Variants in ZC2HC1B observed in about 807,000 individuals in gnomAD.
ZC2HC1B encodes zinc finger C2HC domain-containing protein 1B.
ZC2HC1B carries 36 observed loss-of-function variants against 31.0 expected under a neutral mutation model. That is an observed-to-expected ratio of 1.16 (90% confidence interval 0.89 to 1.54). The LOEUF is 1.54. Ranked by LOEUF, ZC2HC1B falls within the 40% of genes most tolerant of loss-of-function variation. ZC2HC1B has a pLI of 0.00. For missense variants in ZC2HC1B, 260 were observed against 268.6 expected, an observed-to-expected ratio of 0.97 and a Z score of 0.22; for synonymous variants, 73 against 88.0, an observed-to-expected ratio of 0.83 and a Z score of 0.95.
chr6:143,915,873 TA>T lies in ZC2HC1B; in HGVS notation c.598+12725del, dbSNP rs1356928911. The stretch of plus-strand genomic sequence containing the variant: ...TCAGTTTTAAAAGGGAAACTGAGCA[TA>T]AAAGTTTGGAAAAGTTGCAGCCTGA... On this transcript the variant is annotated intron_variant, in intron 6 of 7. Transcript: ENST00000237275. This position sits in a 1 kb window ranked among gnomAD's most constrained non-coding sequence, Gnocchi z 5.2. Among the ~76,000 whole-genome samples, 53 of 152,138 alleles carry T rather than the reference TA, an allele frequency of 3.5e-4. No homozygotes were observed. Among genetic ancestry groups the T allele is most frequent in the Admixed American group, 3.4e-3 (52 of 15,264 alleles).
Position 143,908,593 on chromosome 6 carries a change from A to T in ZC2HC1B, c.598+5441A>T, listed in dbSNP as rs561197940. On this transcript the variant is annotated intron_variant, in intron 6 of 7. Coordinates refer to ENST00000237275, the MANE Select transcript of ZC2HC1B (RefSeq NM_001013623.3). This position sits in a 1 kb window ranked among gnomAD's most constrained non-coding sequence, Gnocchi z 4.4. ...CTCTCAGCTTGCCTGTTGTTTGTGT[A>T]TAGGAATGCTAGCAATTTTTGCACA... Among the ~76,000 whole-genome samples the T allele has an allele frequency of 4.6e-5, 7 of 152,266 alleles. No homozygotes were observed. The East Asian group carries it at 9.6e-4, about 21-fold the overall frequency.
intron 1 of ZC2HC1B, among the ~76,000 whole-genome samples, chr6:143,864,859 T>C (rs1562334523): frequency 6.6e-6 from 1 of 152,170 alleles, no homozygotes. Context: ...ATGGTTTATG[T>C]CAATATTGAG....
Position 143,921,279 on chromosome 6 carries a change from G to A in ZC2HC1B, c.599-16370G>A, listed in dbSNP as rs918966973. 1.3e-5 allele frequency among the ~76,000 whole-genome samples: 2 copies of A among 152,202 alleles called. No homozygotes were observed. The highest frequency in any genetic ancestry group is 6.5e-5 in the Admixed American group (1 of 15,294). ...ATTCCTTTGTAATTATTTCCACATA[G>A]CATTTATCACCATCTAATATTCAAT... On this transcript the variant is annotated intron_variant, in intron 6 of 7. Coordinates refer to ENST00000237275, the MANE Select transcript of ZC2HC1B (RefSeq NM_001013623.3). The surrounding 1 kb of genome is among the most constrained non-coding windows in gnomAD (Gnocchi z 6.1).
chr6:143,888,482 G>A (rs564365355), intron 4 of ZC2HC1B, among the ~76,000 whole-genome samples: 3 of 152,016 alleles, frequency 2.0e-5, no homozygotes, highest in African/African-American at 4.8e-5. Flanking sequence ...AATGTTTTGG[G>A]TACTATTGTC....
chr6:143,910,621 A>G (rs1279554086), intron 6 of ZC2HC1B, among the ~76,000 whole-genome samples: 1 of 152,182 alleles, frequency 6.6e-6, no homozygotes, highest in Non-Finnish European at 1.5e-5. Flanking sequence ...AGCCTCTAAG[A>G]ACTTGCTTTA....
chr6:143,930,793 T>C (rs1396463245), intron 6 of ZC2HC1B, among the ~76,000 whole-genome samples: 2 of 152,234 alleles, frequency 1.3e-5, no homozygotes, highest in Non-Finnish European at 1.5e-5. Context: ...TTGCATAACA[T>C]GTTGTCTATC....
At chr6:143,866,718 T>C (rs1198330387) in intron 1 of ZC2HC1B, among the ~76,000 whole-genome samples, 2 of 152,258 alleles carry the variant, frequency 1.3e-5, no homozygotes, top group Non-Finnish European at 2.9e-5. Flanking sequence ...TCATGTGGGT[T>C]GACATTGGTA....
At chr6:143,897,406 A>G (rs746694172) in intron 4 of ZC2HC1B, among the ~76,000 whole-genome samples, 15 of 151,400 alleles carry the variant, frequency 9.9e-5, no homozygotes, top group Non-Finnish European at 2.1e-4. Context: ...TGCTATGAGC[A>G]GCTCCACATT....
rs34216042 is a variant in ZC2HC1B at position 143,906,747 on chromosome 6, C to CT, written c.598+3609dup. Reference sequence around the variant, plus strand: ...GCATTAGCCACTGTGCCCAGCCCCTCTTTTTTTTTTTTTTATTAGTCTATC... The same window carrying CT: ...GCATTAGCCACTGTGCCCAGCCCCTCTTTTTTTTTTTTTTTATTAGTCTATC... On this transcript the variant is annotated intron_variant, in intron 6 of 7. Transcript: ENST00000237275. Among the ~76,000 whole-genome samples, 646 of 146,688 alleles carry CT rather than the reference C, an allele frequency of 4.4e-3. 4 individuals carry two copies. The highest frequency in any genetic ancestry group is 0.012 in the African/African-American group (495 of 39,970).
In ZC2HC1B at chr6:143,899,761, G is replaced by C. The variant is rs1284401669; in HGVS notation, c.489+1070G>C. 6.6e-6 allele frequency among the ~76,000 whole-genome samples: 1 copy of C among 152,204 alleles called. No individual in the cohort carries two copies. Among genetic ancestry groups the C allele is most frequent in the East Asian group, 1.9e-4 (1 of 5,196 alleles). On this transcript the variant is annotated intron_variant, in intron 5 of 7. Coordinates refer to ENST00000237275, the MANE Select transcript of ZC2HC1B (RefSeq NM_001013623.3). This position sits in a 1 kb window ranked among gnomAD's most constrained non-coding sequence, Gnocchi z 5.0. ...CCAACAAAAGCGGATCCCACAGACT[G>C]TGGATCCTGAGCGCTATCCCCTTAA...
At position 143,899,614 on chromosome 6, in the gene ZC2HC1B, C is replaced by G. The variant is rs755780891; in HGVS notation, c.489+923C>G. Among the ~76,000 whole-genome samples, 1 of 152,130 alleles carries G rather than the reference C, an allele frequency of 6.6e-6. No individual in the cohort carries two copies. ...CTGGTCTCAAACTCCTGGGCCCAAG[C>G]AATCTGCCCTCTTCAGCCTCCCAAA... On this transcript the variant is annotated intron_variant, in intron 5 of 7. Transcript: ENST00000237275. The surrounding 1 kb of genome is among the most constrained non-coding windows in gnomAD (Gnocchi z 5.0).
intron 5 of ZC2HC1B, among the ~76,000 whole-genome samples, chr6:143,901,185 T>C (rs549948335): frequency 4.5e-4 from 68 of 151,206 alleles, no homozygotes; most frequent in African/African-American, 1.6e-3. Flanking sequence ...AAGTGCAATG[T>C]AGAAAAAGCC....
rs1476599088 is a variant in ZC2HC1B, at chr6:143,872,013, A to G, written c.28+7446A>G. Among the ~76,000 whole-genome samples, 5 of 152,222 alleles carry G rather than the reference A, an allele frequency of 3.3e-5. No homozygotes were observed. Among genetic ancestry groups the G allele is most frequent in the Non-Finnish European group, 5.9e-5 (4 of 68,036 alleles). On this transcript the variant is annotated intron_variant, in intron 1 of 7. Transcript: ENST00000237275. The surrounding 1 kb of genome is among the most constrained non-coding windows in gnomAD (Gnocchi z 5.5). ...TGACGTTTTGGGTCCCCTGGAATCA[A>G]CATCAGCTCAGAGCCAGTGTCCAGT...
chr6:143,898,849 G>A (rs1373953845), intron 5 of ZC2HC1B, among the ~76,000 whole-genome samples, 158 bp downstream of exon 5: 1 of 152,200 alleles, frequency 6.6e-6, no homozygotes, highest in Non-Finnish European at 1.5e-5. Flanking sequence ...GACTTCTTTT[G>A]CAGGAGAATG....
At position 143,864,862 on chromosome 6, in the gene ZC2HC1B, A is replaced by G. The variant is rs78550831; in HGVS notation, c.28+295A>G. ...AAGGGTCAGATGATGGTTTATGTCA[A>G]TATTGAGAATGTAAGTACTAAAAGG... On this transcript the variant is annotated intron_variant, in intron 1 of 7. Transcript: ENST00000237275. Among the ~76,000 whole-genome samples, 2,206 of 152,336 alleles carry G rather than the reference A, an allele frequency of 0.014. 46 individuals carry two copies. The highest frequency in any genetic ancestry group is 0.051 in the African/African-American group (2,106 of 41,578).
chr6:143,932,133 C>T (rs1778128482), intron 6 of ZC2HC1B, among the ~76,000 whole-genome samples: 1 of 152,064 alleles, frequency 6.6e-6, no homozygotes, highest in Admixed American at 6.5e-5. Context: ...CCTTGGCCTC[C>T]CAAAGTGCTG....
chr6:143,922,736 G>A lies in ZC2HC1B; in HGVS notation c.599-14913G>A, dbSNP rs929182447. Among the ~76,000 whole-genome samples the A allele has an allele frequency of 1.3e-5, 2 of 151,582 alleles. No individual in the cohort carries two copies. The highest frequency in any genetic ancestry group is 2.4e-5 in the African/African-American group (1 of 41,258). ...TCTTTTTTTCAAATTTTATTCACATGTTTTATTCATTCATCCATTAATGAA... is the reference window on the plus strand; with the variant it reads ...TCTTTTTTTCAAATTTTATTCACATATTTTATTCATTCATCCATTAATGAA... On this transcript the variant is annotated intron_variant, in intron 6 of 7. Transcript: ENST00000237275. This position sits in a 1 kb window ranked among gnomAD's most constrained non-coding sequence, Gnocchi z 5.0.
chr6:143,870,607 A>T lies in ZC2HC1B; in HGVS notation c.28+6040A>T, dbSNP rs1777325036. Among the ~76,000 whole-genome samples the T allele has an allele frequency of 6.6e-6, 1 of 152,218 alleles. No individual in the cohort carries two copies. Among genetic ancestry groups the T allele is most frequent in the Admixed American group, 6.5e-5 (1 of 15,284 alleles). On this transcript the variant is annotated intron_variant, in intron 1 of 7. Transcript: ENST00000237275. The surrounding 1 kb of genome is among the most constrained non-coding windows in gnomAD (Gnocchi z 4.7). Reference sequence around the variant, plus strand: ...TGGGTCAGAAAGCACTCAGTTCATGATAGGCAGGTCAGGTTGCATGGTGAC... The same window carrying T: ...TGGGTCAGAAAGCACTCAGTTCATGTTAGGCAGGTCAGGTTGCATGGTGAC...
In ZC2HC1B at chr6:143,887,763, G is replaced by A. The variant is rs932639262; in HGVS notation, c.349+942G>A. Among the ~76,000 whole-genome samples the A allele has an allele frequency of 6.6e-6, 1 of 151,866 alleles. No individual in the cohort carries two copies. Among genetic ancestry groups the A allele is most frequent in the Non-Finnish European group, 1.5e-5 (1 of 67,948 alleles). Reference sequence around the variant, plus strand: ...TGAAAGTTAGGGCTAGAATCTCAATGAGATTAGCATAAATATTAATATAAG... The same window carrying A: ...TGAAAGTTAGGGCTAGAATCTCAATAAGATTAGCATAAATATTAATATAAG... On this transcript the variant is annotated intron_variant, in intron 4 of 7. Coordinates refer to ENST00000237275, the MANE Select transcript of ZC2HC1B (RefSeq NM_001013623.3). This position sits in a 1 kb window ranked among gnomAD's most constrained non-coding sequence, Gnocchi z 5.1.
Sources: gnomAD v4.1 joint callset for allele counts (sites outside exome capture counted in the v4.1 genomes callset) on GRCh38, gnomAD v4.1.1 for gene constraint, Gnocchi (gnomAD v3.1) non-coding constraint, MANE v1.5 for transcripts, NCBI Gene and HGNC (gene_info 2026-07-23, HGNC 2026-07-21) for gene names.